SPECC1: variants seen among roughly 807,000 people sequenced by gnomAD.
SPECC1 encodes cytospin-B.
Under a neutral mutation model 104.1 loss-of-function variants are expected in SPECC1, and 62 were observed. The ratio of observed to expected loss-of-function variants is 0.60; its 90% confidence interval spans 0.49 to 0.74. The LOEUF (loss-of-function observed/expected upper bound fraction) is 0.74. SPECC1 is among the 30% of genes least tolerant of loss of function. SPECC1 has a pLI of 0.00. For missense variants in SPECC1, 1,306 were observed against 1,310.5 expected, an observed-to-expected ratio of 1.00 and a Z score of 0.05; for synonymous variants, 513 against 501.6, an observed-to-expected ratio of 1.02 and a Z score of -0.30.
chr17:20,285,776 T>C (rs1377086135), intron 12 of SPECC1, among the ~76,000 whole-genome samples: 2 of 149,186 alleles, frequency 1.3e-5, no homozygotes, highest in South Asian at 2.2e-4. Context: ...CCTCCCTCCT[T>C]CTCTCTCCCC....
chr17:20,232,511 C>T lies in SPECC1; in HGVS notation c.2351+106C>T, dbSNP rs549954663. The T allele has an allele frequency of 3.6e-5, 46 of 1,284,108 alleles. No individual in the cohort carries two copies. In the Admixed American group the frequency reaches 9.9e-4, roughly 28 times the overall value. The allele number at this position is 1,284,108 out of a possible 1,614,324, so 79.5% of individuals were successfully genotyped here. ...TGTCTGTGCCAGGTTCTGCTATTTC[C>T]TTTCTGAGATCACCCTGAATTACTA... On this transcript the variant is annotated intron_variant, in intron 7 of 14. Transcript: ENST00000395527.
intron 1 of SPECC1, among the ~76,000 whole-genome samples, chr17:20,030,232 A>G (rs1357848385): frequency 1.3e-5 from 2 of 152,138 alleles, no homozygotes; most frequent in Non-Finnish European, 2.9e-5. Flanking sequence ...TTTAGTATCT[A>G]GGGTTTAACA....
intron 1 of SPECC1, among the ~76,000 whole-genome samples, chr17:20,084,258 GTC>G (rs2047093208): frequency 6.6e-6 from 1 of 152,082 alleles, no homozygotes. Context: ...GTGAAACCCT[GTC>G]TCTACTAAAA....
intron 1 of SPECC1, among the ~76,000 whole-genome samples, chr17:20,027,838 C>A (rs529994179): frequency 6.6e-6 from 1 of 152,156 alleles, no homozygotes; most frequent in Non-Finnish European, 1.5e-5. Context: ...CAGCTTTGTT[C>A]TTTTTGCTTA....
At chr17:20,125,693 T>A (rs573765779) in intron 3 of SPECC1, among the ~76,000 whole-genome samples, 1 of 152,374 alleles carries the variant, frequency 6.6e-6, no homozygotes, top group South Asian at 2.1e-4. Flanking sequence ...ATGGGACATG[T>A]GTCAGAGTTT....
chr17:20,289,603 GC>G (rs2041087632), intron 12 of SPECC1, among the ~76,000 whole-genome samples: 1 of 152,120 alleles, frequency 6.6e-6, no homozygotes, highest in African/African-American at 2.4e-5. Context: ...ACTGTGCCTG[GC>G]CAAAAAGGGA....
rs890879811 is a variant in SPECC1, at chr17:20,315,985, A to T, written c.*1920A>T. The T allele has an allele frequency of 9.0e-5, 21 of 232,488 alleles. No homozygotes were observed. Among genetic ancestry groups the T allele is most frequent in the African/African-American group, 4.6e-4 (21 of 45,316 alleles). 14.4% of individuals were successfully genotyped at this position (232,488 alleles called of 1,614,324 possible). A position where few individuals can be genotyped will look rare whatever the true frequency, so the allele number is the denominator to read the frequency against. On this transcript the variant is annotated 3_prime_UTR_variant, in exon 15 of 15. Transcript: ENST00000395527. ...CTGAAGCACAGCTGCTTGGAGAACCACTGAGGGGTGGACACCTTCCCCTGG... is the reference window on the plus strand; with the variant it reads ...CTGAAGCACAGCTGCTTGGAGAACCTCTGAGGGGTGGACACCTTCCCCTGG...
chr17:20,107,144 C>CAAAAAAAAAA (rs531912350), intron 2 of SPECC1, among the ~76,000 whole-genome samples: 9 of 68,184 alleles, frequency 1.3e-4, no homozygotes, highest in South Asian at 6.3e-4. Context: ...ACTCGTGTCT[C>CAAAAAAAAAA]AAAAAAAAAA....
chr17:20,077,162 T>C (rs1418025917), intron 1 of SPECC1, among the ~76,000 whole-genome samples: 1 of 152,212 alleles, frequency 6.6e-6, no homozygotes, highest in African/African-American at 2.4e-5. Context: ...TTCATTTTTT[T>C]CGTAAGTCTT....
At chr17:20,090,772 A>G (rs992731614) in intron 1 of SPECC1, among the ~76,000 whole-genome samples, 1 of 152,178 alleles carries the variant, frequency 6.6e-6, no homozygotes, top group African/African-American at 2.4e-5. Flanking sequence ...GAAGGACGTC[A>G]CAGACCAGTG....
In SPECC1 at chr17:20,222,334, GA is replaced by G. The variant is rs967824950; in HGVS notation, c.1864-5069del. ...GGGAGACAGAGCGAGATTGTGTCTC[GA>G]AAAAAAAAAGTTTCAGGAATTATTT... On this transcript the variant is annotated intron_variant, in intron 4 of 14. Coordinates refer to ENST00000395527, the MANE Select transcript of SPECC1 (RefSeq NM_001243439.2). Among the ~76,000 whole-genome samples the G allele has an allele frequency of 2.0e-5, 3 of 148,678 alleles. 1 individual carries two copies. Among genetic ancestry groups the G allele is most frequent in the Non-Finnish European group, 3.0e-5 (2 of 67,010 alleles).
chr17:20,140,887 C>T (rs2030696986), intron 3 of SPECC1, among the ~76,000 whole-genome samples: 1 of 152,198 alleles, frequency 6.6e-6, no homozygotes, highest in Admixed American at 6.5e-5. Context: ...GGTTGAGGGG[C>T]CAAGGGCAAC....
In SPECC1 at chr17:20,158,802, G is replaced by T. The variant is rs184711123; in HGVS notation, c.284-45531G>T. Among the ~76,000 whole-genome samples the T allele has an allele frequency of 7.6e-3, 1,156 of 152,234 alleles. 17 individuals are homozygous for T. The highest frequency in any genetic ancestry group is 0.026 in the African/African-American group (1,100 of 41,526). On this transcript the variant is annotated intron_variant, in intron 3 of 14. Transcript: ENST00000395527. ...TTGAGACAAGGTCTGACTGTCACCT[G>T]GGGTGGAGTGCAGTGCTGTGATCAT...
At position 20,245,984 on chromosome 17, in the gene SPECC1, G is replaced by A. The variant is rs1018831722; in HGVS notation, c.2410G>A (p.Val804Ile). The A allele has an allele frequency of 1.9e-6, 3 of 1,614,156 alleles. No homozygotes were observed. The highest frequency in any genetic ancestry group is 2.5e-6 in the Non-Finnish European group (3 of 1,180,016). ...EVDAAGRWPGVCVSRTSPTPP... is the reference protein window; with the variant it reads ...EVDAAGRWPGICVSRTSPTPP... ...CGATGCTGCTGGTCGGTGGCCTGGT[G>A]TCTGTGTTAGCAGAACATCTCCAAC... is the stretch of plus-strand genomic sequence containing the variant. Residue 804 changes from valine (V) to isoleucine (I), a missense_variant, in exon 8 of 15, where the codon GTC (valine) becomes ATC (isoleucine). By Grantham distance (29) the Val-to-Ile change is conservative. Coordinates refer to ENST00000395527, the MANE Select transcript of SPECC1 (RefSeq NM_001243439.2).
intron 3 of SPECC1, among the ~76,000 whole-genome samples, chr17:20,201,030 T>C (rs1462600004): frequency 6.6e-6 from 1 of 152,090 alleles, no homozygotes; most frequent in Non-Finnish European, 1.5e-5. Context: ...AAGGCAGAAG[T>C]AACACTTATG....
intron 4 of SPECC1, among the ~76,000 whole-genome samples, chr17:20,223,375 A>G (rs889317943): frequency 1.3e-5 from 2 of 152,074 alleles, no homozygotes; most frequent in African/African-American, 4.8e-5. Context: ...CTTTATTTTT[A>G]AAAAATTATT....
intron 10 of SPECC1, 91 bp from the exon 11 acceptor site, chr17:20,257,360 A>G (rs1598095720): frequency 1.4e-6 from 2 of 1,409,124 alleles, no homozygotes; most frequent in East Asian, 4.9e-5. Flanking sequence ...TTGAGGATAA[A>G]ATGAGAACTG....
At chr17:20,254,137 G>C (rs7209546) in intron 10 of SPECC1, among the ~76,000 whole-genome samples, 36 of 75,496 alleles carry the variant, frequency 4.8e-4, no homozygotes, top group African/African-American at 1.1e-3. Flanking sequence ...GTTACACCGT[G>C]TGTGTGTGTG....
In SPECC1 at chr17:20,009,904, C is replaced by G. The variant is rs1018726745; in HGVS notation, c.-22+480C>G. The stretch of plus-strand genomic sequence containing the variant: ...GGGGGTGCTGCGTGGTGCAGAGGAC[C>G]GAGAAGCCCTTCGCCCTCGGCGTCC... On this transcript the variant is annotated intron_variant, in intron 1 of 14. Transcript: ENST00000395527. The surrounding 1 kb of genome is among the most constrained non-coding windows in gnomAD (Gnocchi z 5.2). 6.6e-6 allele frequency: 1 copy of G among 152,378 alleles called. No homozygotes were observed. Among genetic ancestry groups the G allele is most frequent in the African/African-American group, 2.4e-5 (1 of 41,458 alleles). 9.4% of individuals were successfully genotyped at this position (152,378 alleles called of 1,614,324 possible). A position where few individuals can be genotyped will look rare whatever the true frequency, so the allele number is the denominator to read the frequency against.
Sources: gnomAD v4.1 joint callset for allele counts (sites outside exome capture counted in the v4.1 genomes callset) on GRCh38, gnomAD v4.1.1 for gene constraint, Gnocchi (gnomAD v3.1) non-coding constraint, MANE v1.5 for transcripts, NCBI Gene and HGNC (gene_info 2026-07-23, HGNC 2026-07-21) for gene names.